XKR6: variants seen among roughly 807,000 people sequenced by gnomAD.
XKR6 encodes the protein XK related 6.
XKR6 carries 22 observed loss-of-function variants against 56.7 expected under a neutral mutation model. That is an observed-to-expected ratio of 0.39 (90% CI 0.28 to 0.55). The LOEUF (loss-of-function observed/expected upper bound fraction) is 0.55, where lower values mean the gene tolerates loss of function less well. Ranked by LOEUF, XKR6 falls within the 20% of genes least tolerant of loss-of-function variation. XKR6 has a pLI of 0.66. For synonymous variants in XKR6, 524 were observed against 387.8 expected (o/e 1.35, Z -4.13); for missense variants, 852 against 889.0 (o/e 0.96, Z 0.53).
chr8:11,024,197 GT>G (rs1446965967), intron 1 of XKR6, among the ~76,000 whole-genome samples: 1 of 148,370 alleles, frequency 6.7e-6, no homozygotes. Context: ...CAACATACCT[GT>G]TAGGAGGTGT....
chr8:11,042,801 T>G (rs1156541892), intron 1 of XKR6, among the ~76,000 whole-genome samples: 1 of 152,238 alleles, frequency 6.6e-6, no homozygotes, highest in Non-Finnish European at 1.5e-5. Flanking sequence ...GACTAACATT[T>G]GGATCCCAGC....
At chr8:11,062,232 C>A (rs1799853378) in intron 1 of XKR6, among the ~76,000 whole-genome samples, 1 of 152,114 alleles carries the variant, frequency 6.6e-6, no homozygotes, top group African/African-American at 2.4e-5. Flanking sequence ...CCACAGAGAG[C>A]AACACAAACT....
At chr8:10,920,759 C>T (rs1800686304) in intron 2 of XKR6, among the ~76,000 whole-genome samples, 1 of 152,238 alleles carries the variant, frequency 6.6e-6, no homozygotes, top group Non-Finnish European at 1.5e-5. Context: ...TCCTTCCTTC[C>T]CGTAAACCCA....
At chr8:10,908,512 G>T (rs927463916) in intron 2 of XKR6, among the ~76,000 whole-genome samples, 2 of 151,966 alleles carry the variant, frequency 1.3e-5, no homozygotes, top group Non-Finnish European at 2.9e-5. Flanking sequence ...GTCCTCTCCT[G>T]CTGGCTCCTC....
At chr8:11,066,306 C>T (rs1411286381) in intron 1 of XKR6, among the ~76,000 whole-genome samples, 1 of 152,220 alleles carries the variant, frequency 6.6e-6, no homozygotes, top group East Asian at 1.9e-4. Context: ...TTTCTGTCTG[C>T]TCAATTTTTC....
At chr8:11,144,362 T>A (rs1800871948) in intron 1 of XKR6, among the ~76,000 whole-genome samples, 1 of 150,004 alleles carries the variant, frequency 6.7e-6, no homozygotes, top group African/African-American at 2.5e-5. Flanking sequence ...TGAGAAGTGA[T>A]GATACTAGAT....
At chr8:10,943,720 G>C (rs1177293753) in intron 1 of XKR6, among the ~76,000 whole-genome samples, 1 of 151,992 alleles carries the variant, frequency 6.6e-6, no homozygotes, top group African/African-American at 2.4e-5. Flanking sequence ...CAAAGCAAGA[G>C]GTTGTGGATG....
chr8:11,033,222 T>A (rs1799036887), intron 1 of XKR6, among the ~76,000 whole-genome samples: 2 of 150,780 alleles, frequency 1.3e-5, no homozygotes, highest in South Asian at 4.2e-4. Context: ...TAAGGATGGT[T>A]ACGATGGTGA....
intron 1 of XKR6, among the ~76,000 whole-genome samples, chr8:11,126,371 TG>T (rs1799797908): frequency 6.6e-6 from 1 of 152,170 alleles, no homozygotes; most frequent in Non-Finnish European, 1.5e-5. Flanking sequence ...CGGCCTACTT[TG>T]GCGTTTTTTA....
intron 1 of XKR6, among the ~76,000 whole-genome samples, chr8:10,938,503 G>A (rs1801296193): frequency 6.6e-6 from 1 of 152,158 alleles, no homozygotes; most frequent in Non-Finnish European, 1.5e-5. Context: ...CCATACTGTG[G>A]AATACTACTC....
At chr8:11,022,973 C>T (rs575243396) in intron 1 of XKR6, among the ~76,000 whole-genome samples, 22 of 152,274 alleles carry the variant, frequency 1.4e-4, no homozygotes, top group Middle Eastern at 3.4e-3. Context: ...TCCCTCCCTT[C>T]CTGGCCACAG....
chr8:10,976,664 C>T (rs944029079), intron 1 of XKR6, among the ~76,000 whole-genome samples: 6 of 152,180 alleles, frequency 3.9e-5, no homozygotes, highest in African/African-American at 1.4e-4. Flanking sequence ...GACAATGAGG[C>T]AGCCACTGTG....
chr8:10,977,231 G>C (rs950179297), intron 1 of XKR6, among the ~76,000 whole-genome samples: 7 of 152,122 alleles, frequency 4.6e-5, no homozygotes, highest in Admixed American at 4.6e-4. Context: ...TGGAACCCAG[G>C]AGGGGTGGCC....
At chr8:11,160,938 A>G (rs1013587941) in intron 1 of XKR6, among the ~76,000 whole-genome samples, 1 of 151,798 alleles carries the variant, frequency 6.6e-6, no homozygotes, top group African/African-American at 2.4e-5. Context: ...AAAAGAAAAA[A>G]AAAGGGTTCA....
chr8:10,991,840 A>T (rs1797999879), intron 1 of XKR6, among the ~76,000 whole-genome samples: 1 of 152,230 alleles, frequency 6.6e-6, no homozygotes, highest in African/African-American at 2.4e-5. Flanking sequence ...CTAAATTGGA[A>T]TTGTCTCAAA....
At chr8:11,066,082 C>T (rs1330292742) in intron 1 of XKR6, among the ~76,000 whole-genome samples, 1 of 152,208 alleles carries the variant, frequency 6.6e-6, no homozygotes, top group African/African-American at 2.4e-5. Context: ...CTGACTTTGG[C>T]GTTTTCCGTT....
At chr8:10,939,634 G>A (rs1158689664) in intron 1 of XKR6, among the ~76,000 whole-genome samples, 2 of 152,214 alleles carry the variant, frequency 1.3e-5, no homozygotes, top group African/African-American at 2.4e-5. Context: ...TGGTGGTCAC[G>A]CAGAAGGGGC....
chr8:11,199,476 G>A (rs1298644751), intron 1 of XKR6, among the ~76,000 whole-genome samples: 2 of 152,196 alleles, frequency 1.3e-5, no homozygotes, highest in Non-Finnish European at 2.9e-5. Context: ...GGGCAGCCTA[G>A]GCAAAATGTC....
intron 1 of XKR6, among the ~76,000 whole-genome samples, chr8:11,041,550 T>C (rs929802242): frequency 1.6e-4 from 19 of 118,376 alleles, no homozygotes; most frequent in Non-Finnish European, 9.6e-5. Flanking sequence ...AGCAAGACTT[T>C]GTCTCAAAAA....
Sources: allele counts gnomAD v4.1 joint callset (sites outside exome capture counted in the v4.1 genomes callset), GRCh38; gene constraint gnomAD v4.1.1; transcripts MANE v1.5; gene names NCBI Gene and HGNC (gene_info 2026-07-23, HGNC 2026-07-21).